Variants in CCDC18 observed in about 807,000 individuals in gnomAD.
CCDC18 encodes coiled-coil domain containing 18, also known as coiled-coil domain-containing protein 18.
CCDC18 carries 157 observed loss-of-function variants against 196.0 expected under a neutral mutation model. That is an observed-to-expected ratio of 0.80 (90% CI 0.70 to 0.91). CCDC18 has a LOEUF of 0.91. Ranked by LOEUF, CCDC18 falls within the 40% of genes least tolerant of loss-of-function variation. CCDC18 has a pLI of 0.00. For synonymous variants in CCDC18, 482 were observed against 529.2 expected, an observed-to-expected ratio of 0.91 and a Z score of 1.22; for missense variants, 1,465 against 1,611.6, an observed-to-expected ratio of 0.91 and a Z score of 1.56.
At chr1:93,264,924 T>C in intron 27 of CCDC18, 23 bp downstream of exon 27, 1 of 1,479,540 alleles carries the variant, frequency 6.8e-7, no homozygotes, top group Non-Finnish European at 9.4e-7. Flanking sequence ...ATAAAAGTAA[T>C]AAAGCATATC....
intron 25 of CCDC18, among the ~76,000 whole-genome samples, 160 bp from the exon 26 acceptor site, chr1:93,258,588 A>G (rs1663347872): frequency 6.6e-6 from 1 of 152,174 alleles, no homozygotes; most frequent in African/African-American, 2.4e-5. Context: ...AGTCTCTGAA[A>G]TGTCTAGATT....
chr1:93,206,955 G>T, intron 8 of CCDC18, 152 bp from the exon 9 acceptor site: 1 of 486,526 alleles, frequency 2.1e-6, no homozygotes, highest in East Asian at 3.4e-5. Context: ...AGTTGTGAGT[G>T]CCTGGCATGC....
At chr1:93,204,031 A>G (rs1228300983) in intron 7 of CCDC18, among the ~76,000 whole-genome samples, 1 of 152,116 alleles carries the variant, frequency 6.6e-6, no homozygotes, top group Admixed American at 6.6e-5. Flanking sequence ...TGAAGAGGAA[A>G]TAAGTGTGTG....
chr1:93,221,478 G>A, intron 14 of CCDC18, 131 bp from the exon 15 acceptor site: 1 of 522,310 alleles, frequency 1.9e-6, no homozygotes, highest in East Asian at 3.5e-5. Context: ...CTTAAAAAGA[G>A]AGAAGCTGAA....
At chr1:93,198,106 G>A (rs545934422) in intron 6 of CCDC18, among the ~76,000 whole-genome samples, 40 of 152,204 alleles carry the variant, frequency 2.6e-4, no homozygotes, top group African/African-American at 9.4e-4. Flanking sequence ...TTGGAAAACT[G>A]TTTGTCAGTA....
intron 23 of CCDC18, among the ~76,000 whole-genome samples, chr1:93,250,394 A>G (rs1039477827): frequency 1.3e-5 from 2 of 151,742 alleles, no homozygotes; most frequent in East Asian, 1.9e-4. Context: ...AAAAAAAAAA[A>G]AAAGAAAAGA....
chr1:93,271,096 A>T, intron 28 of CCDC18: 1 of 983,818 alleles, frequency 1.0e-6, no homozygotes, highest in Non-Finnish European at 1.2e-6. Context: ...AAAAATTAAA[A>T]AACTGAAAAA....
At chr1:93,189,650 G>C (rs1651373644) in intron 4 of CCDC18, among the ~76,000 whole-genome samples, 2 of 151,954 alleles carry the variant, frequency 1.3e-5, no homozygotes, top group African/African-American at 2.4e-5. Context: ...CCTGTCTTTT[G>C]AATGTAAGCC....
intron 27 of CCDC18, among the ~76,000 whole-genome samples, chr1:93,265,284 C>T (rs1485348959): frequency 6.6e-6 from 1 of 152,136 alleles, no homozygotes; most frequent in Non-Finnish European, 1.5e-5. Context: ...GGGCAGATCA[C>T]TTGAGGTCAA....
intron 27 of CCDC18, among the ~76,000 whole-genome samples, chr1:93,267,474 T>C (rs1664685127): frequency 6.6e-6 from 1 of 152,098 alleles, no homozygotes; most frequent in Non-Finnish European, 1.5e-5. Flanking sequence ...AGAAAGGGTA[T>C]TCAATTAGGA....
intron 4 of CCDC18, chr1:93,190,883 C>G (rs768813948): frequency 1.4e-5 from 10 of 731,476 alleles, no homozygotes; most frequent in Non-Finnish European, 2.3e-5. Context: ...GTAGTTTCAG[C>G]CTTTTTCTGG....
At chr1:93,256,012 T>C (rs536095413) in intron 24 of CCDC18, among the ~76,000 whole-genome samples, 13 of 152,302 alleles carry the variant, frequency 8.5e-5, no homozygotes, top group African/African-American at 2.9e-4. Context: ...AATGTTAACT[T>C]CTCTTTTCTC....
chr1:93,201,876 T>G lies in CCDC18; in HGVS notation c.699-16T>G. ...GCATTCTTCACTTTTATTCATTATC[T>G]CTTTTTAAATTTTAGAGCTGAACGA... On this transcript the variant is annotated splice_polypyrimidine_tract_variant and intron_variant, in intron 6 of 28. Coordinates refer to ENST00000690025, the MANE Select transcript of CCDC18 (RefSeq NM_001378204.1). 2.0e-6 allele frequency: 3 copies of G among 1,503,392 alleles called. No homozygotes were observed. The highest frequency in any genetic ancestry group is 2.7e-6 in the Non-Finnish European group (3 of 1,104,964). The allele number at this position is 1,503,392 out of a possible 1,614,324, so 93.1% of individuals were successfully genotyped here.
rs748847373 is a variant in CCDC18, at chr1:93,256,544, C to T, written c.3546+6C>T. ...AGCAACTCTCTAAAGAGAAAGTAAT[C>T]CCTATTTTAAATAATCTTATGTATC... On this transcript the variant is annotated splice_donor_region_variant and intron_variant, in intron 25 of 28. Coordinates refer to ENST00000690025, the MANE Select transcript of CCDC18 (RefSeq NM_001378204.1). 3.1e-6 allele frequency: 5 copies of T among 1,598,950 alleles called. No homozygotes were observed. In the South Asian group the frequency reaches 5.5e-5, roughly 18 times the overall value.
intron 7 of CCDC18, among the ~76,000 whole-genome samples, chr1:93,202,840 T>C (rs77521145): frequency 0.015 from 2,306 of 152,280 alleles, 28 homozygotes; most frequent in Non-Finnish European, 0.023. Context: ...AATTTCAGTA[T>C]TTTGGAATAA....
intron 26 of CCDC18, among the ~76,000 whole-genome samples, chr1:93,263,215 G>A (rs1664054901): frequency 6.6e-6 from 1 of 152,092 alleles, no homozygotes; most frequent in South Asian, 2.1e-4. Flanking sequence ...TTTCCCCATT[G>A]TCTTGGCAAT....
intron 28 of CCDC18, chr1:93,271,587 C>T: frequency 1.0e-6 from 1 of 954,592 alleles, no homozygotes; most frequent in Non-Finnish European, 1.2e-6. Flanking sequence ...GCAATCCCAG[C>T]TATCCAGGAG....
chr1:93,271,520 A>G, intron 28 of CCDC18: 1 of 984,846 alleles, frequency 1.0e-6, no homozygotes, highest in East Asian at 1.1e-4. Context: ...TCTTCCTTTC[A>G]TTTCCAGACA....
chr1:93,208,202 A>G (rs1156266401), intron 9 of CCDC18, among the ~76,000 whole-genome samples: 1 of 152,172 alleles, frequency 6.6e-6, no homozygotes, highest in East Asian at 1.9e-4. Flanking sequence ...ACTATTTTAC[A>G]TTCTCACCAG....
Sources: allele counts gnomAD v4.1 joint callset (sites outside exome capture counted in the v4.1 genomes callset), GRCh38; gene constraint gnomAD v4.1.1; transcripts MANE v1.5; gene names NCBI Gene and HGNC (gene_info 2026-07-23, HGNC 2026-07-21).